TBX20: variants seen among roughly 807,000 people sequenced by gnomAD.
TBX20 encodes T-box transcription factor TBX20.
A neutral mutation model predicts 42.9 loss-of-function variants in TBX20; 8 were observed. The observed-to-expected ratio is 0.19, with a 90% CI of 0.11 to 0.34. The LOEUF is 0.34. TBX20 is among the 10% of genes least tolerant of loss of function. The pLI is 1.00. For missense variants in TBX20, 411 were observed against 566.0 expected (o/e 0.73, Z 2.78); for synonymous variants, 198 against 222.8 (o/e 0.89, Z 0.99).
At chr7:35,241,115 A>G in intron 4 of TBX20, 78 bp from the exon 5 acceptor site, 1 of 1,280,948 alleles carries the variant, frequency 7.8e-7, no homozygotes, top group Admixed American at 1.7e-5. Flanking sequence ...GAGGCAAGAA[A>G]GAACCAAATG....
chr7:35,212,197 A>G (rs1356086701), intron 6 of TBX20, among the ~76,000 whole-genome samples: 1 of 152,160 alleles, frequency 6.6e-6, no homozygotes, highest in East Asian at 1.9e-4. Context: ...TGCAGTGTCT[A>G]TCTGCCACTA....
At chr7:35,202,850 T>G in intron 7 of TBX20, 80 bp from the exon 8 acceptor site, 1 of 1,533,936 alleles carries the variant, frequency 6.5e-7, no homozygotes, top group East Asian at 2.4e-5. Context: ...TAAAGATCAA[T>G]TTGTGTTTAA....
chr7:35,252,133 A>C (rs1236446328), intron 1 of TBX20, among the ~76,000 whole-genome samples: 1 of 152,228 alleles, frequency 6.6e-6, no homozygotes. Context: ...TGCTGTCTAC[A>C]CTTCTGTCGG....
At chr7:35,209,655 T>C (rs1789459985) in intron 6 of TBX20, among the ~76,000 whole-genome samples, 1 of 152,192 alleles carries the variant, frequency 6.6e-6, no homozygotes, top group Non-Finnish European at 1.5e-5. Flanking sequence ...TTCTACTCCA[T>C]CAATTTCTAC....
chr7:35,241,383 C>T (rs184870926), intron 4 of TBX20, among the ~76,000 whole-genome samples: 2 of 152,286 alleles, frequency 1.3e-5, no homozygotes, highest in Admixed American at 6.5e-5. Context: ...CCAAAGGACG[C>T]ATGTCTAAAT....
At chr7:35,223,604 C>T (rs1789719990) in intron 6 of TBX20, among the ~76,000 whole-genome samples, 2 of 152,098 alleles carry the variant, frequency 1.3e-5, no homozygotes, top group Non-Finnish European at 2.9e-5. Context: ...GGAAAGAGGG[C>T]AGAATGAATG....
chr7:35,250,830 T>C (rs1562568380), intron 1 of TBX20, among the ~76,000 whole-genome samples: 4 of 152,208 alleles, frequency 2.6e-5, no homozygotes, highest in African/African-American at 7.2e-5. Context: ...AGTTAGAACA[T>C]TTTTATAATA....
Position 35,253,564 on chromosome 7 carries a change from G to C in TBX20, c.57C>G (p.Ser19=). The change falls in exon 1 of 8, where the codon TCC becomes TCG. Residue 19 remains serine, a synonymous_variant. Coordinates refer to ENST00000408931, the MANE Select transcript of TBX20 (RefSeq NM_001077653.2). ...PQLSSRANAF[S]IAALMSSGGS... is the part of the protein sequence containing the mutation. ...CGCCGCTCGACATGAGCGCGGCAAT[G>C]GAGAAGGCGTTGGCCCGAGAGGAGA... 1 of 1,612,854 alleles carries C rather than the reference G, an allele frequency of 6.2e-7. No homozygotes were observed. Among genetic ancestry groups the C allele is most frequent in the Non-Finnish European group, 8.5e-7 (1 of 1,180,030 alleles).
intron 5 of TBX20, among the ~76,000 whole-genome samples, chr7:35,233,305 A>G (rs371110296): frequency 6.6e-6 from 1 of 152,234 alleles, no homozygotes; most frequent in Non-Finnish European, 1.5e-5. Flanking sequence ...TAACTCTTTG[A>G]TAATACTAAT....
intron 7 of TBX20, among the ~76,000 whole-genome samples, chr7:35,203,065 C>T (rs1448246080): frequency 1.3e-5 from 2 of 152,120 alleles, no homozygotes; most frequent in African/African-American, 4.8e-5. Context: ...AGGTAATGAC[C>T]TGATTCTCTT....
rs1789587950 is a variant in TBX20 at position 35,216,240 on chromosome 7, G to T, written c.891-11658C>A. On this transcript the variant is annotated intron_variant, in intron 6 of 7. Transcript: ENST00000408931. ...GCACCATCCTAGAGTTTCTGTCTCA[G>T]TAGGTCTGGGGTGTGGCCTGAGAAG... 2.6e-5 allele frequency among the ~76,000 whole-genome samples: 4 copies of T among 152,272 alleles called. No individual in the cohort carries two copies. In the South Asian group the frequency reaches 8.3e-4, roughly 32 times the overall value.
At chr7:35,252,549 G>A (rs1373293266) in intron 1 of TBX20, among the ~76,000 whole-genome samples, 1 of 178 alleles carries the variant, frequency 5.6e-3, no homozygotes, top group African/African-American at 0.02. Flanking sequence ...GATGTGATAT[G>A]TTAAGTGTGG....
At chr7:35,252,304 T>A (rs1034157688) in intron 1 of TBX20, among the ~76,000 whole-genome samples, 4 of 152,186 alleles carry the variant, frequency 2.6e-5, no homozygotes, top group African/African-American at 9.7e-5. Flanking sequence ...ATTGTCTCCA[T>A]TCTTTGGCAG....
At chr7:35,245,571 A>G (rs1562566676) in intron 3 of TBX20, among the ~76,000 whole-genome samples, 1 of 152,206 alleles carries the variant, frequency 6.6e-6, no homozygotes, top group South Asian at 2.1e-4. Context: ...CTTTGTAAAT[A>G]TAAGATGGAG....
At chr7:35,219,334 A>G (rs1169185910) in intron 6 of TBX20, among the ~76,000 whole-genome samples, 2 of 152,226 alleles carry the variant, frequency 1.3e-5, no homozygotes, top group Non-Finnish European at 2.9e-5. Flanking sequence ...TGTAACACAA[A>G]AACAGCCACA....
chr7:35,205,353 T>A lies in TBX20; in HGVS notation c.891-771A>T, dbSNP rs3999958. Among the ~76,000 whole-genome samples the A allele has an allele frequency of 1.9e-3, 280 of 144,642 alleles. 1 individual carries two copies. The highest frequency in any genetic ancestry group is 5.2e-3 in the East Asian group (26 of 5,012). The allele number at this position is 144,642 out of a possible 152,430, so 94.9% of individuals were successfully genotyped here. ...ATTGGACAATTTGACCTTCTGCTTT[T>A]AAAAAAAAAAAAGCCAGTACAATTT... is the stretch of plus-strand genomic sequence containing the variant. On this transcript the variant is annotated intron_variant, in intron 6 of 7. Coordinates refer to ENST00000408931, the MANE Select transcript of TBX20 (RefSeq NM_001077653.2).
At position 35,249,831 on chromosome 7, in the gene TBX20, C is replaced by T. The variant is rs1485702287; in HGVS notation, c.380+120G>A. The T allele has an allele frequency of 2.6e-6, 3 of 1,151,042 alleles. No individual in the cohort carries two copies. Among genetic ancestry groups the T allele is most frequent in the African/African-American group, 1.6e-5 (1 of 64,218 alleles). 71.3% of individuals were successfully genotyped at this position (1,151,042 alleles called of 1,614,324 possible). A position where few individuals can be genotyped will look rare whatever the true frequency, so the allele number is the denominator to read the frequency against. ...TGGTGGAAAGCAGCTGCCCTGGAGC[C>T]AAGCTGTCTCTCCGCTCCATGACCA... is the stretch of plus-strand genomic sequence containing the variant. On this transcript the variant is annotated intron_variant, in intron 2 of 7. Coordinates refer to ENST00000408931, the MANE Select transcript of TBX20 (RefSeq NM_001077653.2). The surrounding 1 kb of genome is among the most constrained non-coding windows in gnomAD (Gnocchi z 4.3).
intron 6 of TBX20, among the ~76,000 whole-genome samples, chr7:35,209,417 T>C (rs917587321): frequency 1.3e-5 from 2 of 152,198 alleles, no homozygotes; most frequent in African/African-American, 4.8e-5. Context: ...AAGAAATTTG[T>C]CCATTTTGTT....
At chr7:35,252,163 T>C (rs942437854) in intron 1 of TBX20, among the ~76,000 whole-genome samples, 1 of 152,234 alleles carries the variant, frequency 6.6e-6, no homozygotes, top group African/African-American at 2.4e-5. Flanking sequence ...TTTCCTGCTA[T>C]GTAACAAGCT....
Sources: gnomAD v4.1 joint callset for allele counts (sites outside exome capture counted in the v4.1 genomes callset) on GRCh38, gnomAD v4.1.1 for gene constraint, Gnocchi (gnomAD v3.1) non-coding constraint, MANE v1.5 for transcripts, NCBI Gene and HGNC (gene_info 2026-07-23, HGNC 2026-07-21) for gene names.